Variants in RP1 observed in about 807,000 individuals in gnomAD.
RP1 encodes the protein oxygen-regulated protein 1.
A neutral mutation model predicts 14.8 loss-of-function variants in RP1; 16 were observed. That is an observed-to-expected ratio of 1.08 (90% CI 0.73 to 1.65). RP1 has a LOEUF of 1.65. Among genes scored for constraint, RP1 ranks in the 40% most tolerant of loss-of-function variants. The pLI is 0.00. For synonymous variants in RP1, 876 were observed against 883.6 expected (o/e 0.99, Z 0.15); for missense variants, 2,631 against 2,535.0 (o/e 1.04, Z -0.81).
At chr8:54,738,932 A>T in intron 18 of RP1, 1 of 1,445,490 alleles carries the variant, frequency 6.9e-7, no homozygotes, top group Non-Finnish European at 9.1e-7. Context: ...TCTCCTTTGC[A>T]TTTCATTCAG....
chr8:54,739,245 T>A (rs964718057), intron 19 of RP1, among the ~76,000 whole-genome samples: 1 of 152,176 alleles, frequency 6.6e-6, no homozygotes, highest in African/African-American at 2.4e-5. Context: ...CTACTTACTA[T>A]GGTTTGACTT....
intron 1 of RP1, among the ~76,000 whole-genome samples, chr8:54,582,981 T>C (rs1444570874): frequency 5.9e-5 from 9 of 152,310 alleles, no homozygotes; most frequent in East Asian, 1.9e-4. Context: ...CCTACTTGAA[T>C]ACCCTTTATT....
intron 24 of RP1, among the ~76,000 whole-genome samples, chr8:54,807,218 C>T (rs1810873801): frequency 6.6e-6 from 1 of 152,164 alleles, no homozygotes; most frequent in South Asian, 2.1e-4. Flanking sequence ...CTCCATCAGC[C>T]TTTCATTATA....
intron 4 of RP1, among the ~76,000 whole-genome samples, chr8:54,651,672 A>G (rs955886918): frequency 1.1e-4 from 16 of 152,156 alleles, no homozygotes; most frequent in Admixed American, 2.0e-4. Flanking sequence ...GCTAAAGTCT[A>G]TCAGTTTTAT....
chr8:54,569,320 T>A (rs1804473455), intron 1 of RP1, among the ~76,000 whole-genome samples: 2 of 152,206 alleles, frequency 1.3e-5, no homozygotes, highest in South Asian at 4.1e-4. Context: ...TTCTCAATTG[T>A]AGATAAAAGT....
At chr8:54,772,645 A>G (rs1046286680), downstream of RP1, among the ~76,000 whole-genome samples, 1 of 152,214 alleles carries the variant, frequency 6.6e-6, no homozygotes, top group Admixed American at 6.5e-5. Flanking sequence ...CAGGTGATGA[A>G]ACTAAAGGAC....
rs147070133 is a variant in RP1 at position 54,571,821 on chromosome 8, G to T, written c.-13+12501G>T. ...CCTTTTTTTTAGCATTTCTTGGCTT[G>T]AGGAAGTATCATCAATCTTGCACTC... On this transcript the variant is annotated intron_variant, in intron 1 of 22. Coordinates refer to the RP1 transcript ENST00000636932. 3.5e-4 allele frequency among the ~76,000 whole-genome samples: 53 copies of T among 152,146 alleles called. No homozygotes were observed. In the East Asian group the frequency reaches 9.7e-3, roughly 28 times the overall value.
chr8:54,566,197 G>C (rs1804402405), intron 1 of RP1, among the ~76,000 whole-genome samples: 1 of 152,164 alleles, frequency 6.6e-6, no homozygotes, highest in Non-Finnish European at 1.5e-5. Flanking sequence ...ATCTGGAGTG[G>C]AGCTCAGGGA....
intron 26 of RP1, among the ~76,000 whole-genome samples, chr8:54,853,914 AAAG>A (rs1264667741): frequency 3.3e-5 from 5 of 151,142 alleles, no homozygotes; most frequent in South Asian, 4.2e-4. Context: ...GAAAGAGAAA[AAAG>A]AAAAAAGGGA....
intron 24 of RP1, among the ~76,000 whole-genome samples, chr8:54,798,006 G>T (rs1362279394): frequency 6.6e-6 from 1 of 151,178 alleles, no homozygotes; most frequent in Non-Finnish European, 1.5e-5. Flanking sequence ...TGGATGGTCT[G>T]ATTTCCCTTT....
intron 21 of RP1, chr8:54,758,804 T>A: frequency 9.7e-7 from 1 of 1,028,964 alleles, no homozygotes; most frequent in African/African-American, 1.6e-5. Flanking sequence ...TACAGTAACA[T>A]CTCTTTTAAA....
At chr8:54,569,807 T>C (rs1019463346) in intron 1 of RP1, among the ~76,000 whole-genome samples, 7 of 152,162 alleles carry the variant, frequency 4.6e-5, no homozygotes, top group African/African-American at 1.4e-4. Flanking sequence ...TGGTAAACTA[T>C]TACTACATCA....
chr8:54,836,165 T>C (rs990262831), intron 24 of RP1, among the ~76,000 whole-genome samples: 5 of 152,096 alleles, frequency 3.3e-5, no homozygotes, highest in Non-Finnish European at 5.9e-5. Flanking sequence ...GGATAACGGG[T>C]GTAATTTCTG....
chr8:54,702,931 A>T (rs1196711585), intron 14 of RP1, among the ~76,000 whole-genome samples: 3 of 152,214 alleles, frequency 2.0e-5, no homozygotes, highest in Admixed American at 1.3e-4. Flanking sequence ...GTTCAATTTT[A>T]TCATGAGATT....
chr8:54,668,026 A>T (rs1259898953), intron 7 of RP1, among the ~76,000 whole-genome samples: 5 of 152,104 alleles, frequency 3.3e-5, no homozygotes, highest in Non-Finnish European at 7.4e-5. Context: ...CCTGGCAGAG[A>T]CACAACAAAA....
intron 25 of RP1, among the ~76,000 whole-genome samples, chr8:54,840,023 T>G (rs553749724): frequency 4.2e-4 from 64 of 152,082 alleles, no homozygotes; most frequent in Non-Finnish European, 7.5e-4. Flanking sequence ...AATGATGAAG[T>G]GGGAAAAATG....
intron 1 of RP1, among the ~76,000 whole-genome samples, chr8:54,576,821 A>G (rs964161187): frequency 1.3e-5 from 2 of 152,178 alleles, no homozygotes; most frequent in Non-Finnish European, 2.9e-5. Flanking sequence ...AACACTGGCC[A>G]ACCAGAATAT....
intron 1 of RP1, among the ~76,000 whole-genome samples, chr8:54,559,623 T>A (rs1198507588): frequency 2.0e-5 from 3 of 152,194 alleles, no homozygotes; most frequent in Non-Finnish European, 4.4e-5. Context: ...ACAGATATCC[T>A]CACGGCCTGT....
intron 24 of RP1, among the ~76,000 whole-genome samples, chr8:54,794,549 T>C (rs569566155): frequency 1.3e-5 from 2 of 151,790 alleles, no homozygotes; most frequent in Non-Finnish European, 3.0e-5. Context: ...AGCAAAAGAA[T>C]GAAATTGGAC....
Sources: gnomAD v4.1 joint callset for allele counts (sites outside exome capture counted in the v4.1 genomes callset) on GRCh38, gnomAD v4.1.1 for gene constraint, MANE v1.5 for transcripts, NCBI Gene and HGNC (gene_info 2026-07-23, HGNC 2026-07-21) for gene names.